Variants in SNTG1 observed in about 807,000 individuals in gnomAD.
SNTG1 encodes the protein gamma-1-syntrophin.
SNTG1 carries 39 observed loss-of-function variants against 74.7 expected under a neutral mutation model. That is an observed-to-expected ratio of 0.52 (90% CI 0.40 to 0.68). The LOEUF (loss-of-function observed/expected upper bound fraction) is 0.68. Ranked by LOEUF, SNTG1 falls within the 30% of genes least tolerant of loss-of-function variation. The pLI is 0.00. For synonymous variants in SNTG1, 254 were observed against 217.1 expected (o/e 1.17, Z -1.49); for missense variants, 685 against 609.5 (o/e 1.12, Z -1.30).
At chr8:50,223,807 A>G (rs973873710) in intron 2 of SNTG1, among the ~76,000 whole-genome samples, 3 of 152,134 alleles carry the variant, frequency 2.0e-5, no homozygotes, top group Admixed American at 2.0e-4. Flanking sequence ...CAGGAACATG[A>G]CAAAAATGTT....
intron 1 of SNTG1, among the ~76,000 whole-genome samples, chr8:50,089,272 T>C (rs1233713851): frequency 5.3e-4 from 80 of 152,074 alleles, no homozygotes; most frequent in African/African-American, 1.4e-3. Context: ...GGATTAAAGA[T>C]TTAAACGTTA....
intron 1 of SNTG1, among the ~76,000 whole-genome samples, chr8:50,004,674 A>G (rs1338392607): frequency 1.3e-5 from 2 of 152,200 alleles, no homozygotes; most frequent in African/African-American, 4.8e-5. Flanking sequence ...ACGTGAACCA[A>G]TGTGGTCCAA....
intron 1 of SNTG1, among the ~76,000 whole-genome samples, chr8:49,985,685 A>G (rs2130220373): frequency 6.6e-6 from 1 of 152,316 alleles, no homozygotes; most frequent in Non-Finnish European, 1.5e-5. Flanking sequence ...AGTTTTGATA[A>G]TCAAATTCAC....
rs1443195909 is a variant in SNTG1 at position 50,105,493 on chromosome 8, TG to T, written c.-102-67067del. Among the ~76,000 whole-genome samples, 8 of 151,754 alleles carry T rather than the reference TG, an allele frequency of 5.3e-5. No homozygotes were observed. In the South Asian group the frequency reaches 6.2e-4, roughly 12 times the overall value. On this transcript the variant is annotated intron_variant, in intron 1 of 18. Transcript: ENST00000642720. ...TCAGCTTTTTTGTTTTGTTTTGTTT[TG>T]TTTTTTTTGCTTATTATTGTTTTGG...
At chr8:50,038,340 T>C (rs1818336997) in intron 1 of SNTG1, among the ~76,000 whole-genome samples, 1 of 152,152 alleles carries the variant, frequency 6.6e-6, no homozygotes. Context: ...GTAGTTCTCT[T>C]AGTGCAATCC....
At chr8:50,761,514 G>A (rs1392049355) in intron 18 of SNTG1, among the ~76,000 whole-genome samples, 1 of 151,856 alleles carries the variant, frequency 6.6e-6, no homozygotes, top group South Asian at 2.1e-4. Context: ...AGGTGAGTTA[G>A]GCTCTGATAA....
At chr8:50,081,568 A>G (rs1221183703) in intron 1 of SNTG1, among the ~76,000 whole-genome samples, 1 of 151,724 alleles carries the variant, frequency 6.6e-6, no homozygotes, top group Non-Finnish European at 1.5e-5. Flanking sequence ...GCTATGCATC[A>G]TATATGGTGT....
chr8:50,105,138 C>G (rs2080315019), intron 1 of SNTG1, among the ~76,000 whole-genome samples: 1 of 151,864 alleles, frequency 6.6e-6, no homozygotes, highest in African/African-American at 2.4e-5. Context: ...TCCTAGGTTA[C>G]TTTCCAGGGC....
chr8:50,064,979 G>A (rs575445991), intron 1 of SNTG1, among the ~76,000 whole-genome samples: 2 of 152,254 alleles, frequency 1.3e-5, no homozygotes, highest in East Asian at 3.9e-4. Context: ...CCCTTGTAAT[G>A]TTAAGTGCTT....
intron 2 of SNTG1, among the ~76,000 whole-genome samples, chr8:50,219,193 G>C (rs186730971): frequency 1.3e-5 from 2 of 152,140 alleles, no homozygotes; most frequent in Admixed American, 6.5e-5. Flanking sequence ...GCATCTTTTA[G>C]ACTAGAATCC....
chr8:50,129,032 G>A (rs2081232896), intron 1 of SNTG1, among the ~76,000 whole-genome samples: 1 of 152,006 alleles, frequency 6.6e-6, no homozygotes, highest in African/African-American at 2.4e-5. Context: ...AACATCATTT[G>A]ATGAAGATAA....
intron 2 of SNTG1, among the ~76,000 whole-genome samples, chr8:50,249,537 C>A (rs1346787368): frequency 6.6e-6 from 1 of 152,198 alleles, no homozygotes; most frequent in Non-Finnish European, 1.5e-5. Context: ...CACACCCACC[C>A]CTGCCCCTTA....
intron 1 of SNTG1, among the ~76,000 whole-genome samples, chr8:49,943,000 T>G (rs1009000448): frequency 1.3e-5 from 2 of 152,198 alleles, no homozygotes; most frequent in African/African-American, 4.8e-5. Context: ...TCATAAGAGA[T>G]TTGCCTCCTC....
intron 1 of SNTG1, among the ~76,000 whole-genome samples, chr8:50,002,272 G>A (rs1261829147): frequency 6.6e-6 from 1 of 151,970 alleles, no homozygotes; most frequent in Non-Finnish European, 1.5e-5. Context: ...TTAGCCATCG[G>A]CATAGTCCAC....
At chr8:50,194,910 G>A (rs1187737154) in intron 2 of SNTG1, among the ~76,000 whole-genome samples, 3 of 152,028 alleles carry the variant, frequency 2.0e-5, no homozygotes, top group Non-Finnish European at 4.4e-5. Context: ...CTTCAATCTT[G>A]ATTTTGTTTT....
intron 12 of SNTG1, among the ~76,000 whole-genome samples, chr8:50,582,679 AT>A (rs918479718): frequency 6.6e-6 from 1 of 151,844 alleles, no homozygotes; most frequent in African/African-American, 2.4e-5. Context: ...AGCATAACAT[AT>A]TTTTTTTATT....
At chr8:50,071,964 A>AT (rs1256289622) in intron 1 of SNTG1, among the ~76,000 whole-genome samples, 1 of 152,194 alleles carries the variant, frequency 6.6e-6, no homozygotes, top group Non-Finnish European at 1.5e-5. Flanking sequence ...AAAGAATACT[A>AT]TTTTCTTGCT....
chr8:50,370,848 T>C (rs2131147840), intron 2 of SNTG1, among the ~76,000 whole-genome samples: 1 of 152,086 alleles, frequency 6.6e-6, no homozygotes, highest in East Asian at 2.0e-4. Context: ...GGAATATATA[T>C]GTGAATGGAT....
intron 13 of SNTG1, among the ~76,000 whole-genome samples, chr8:50,642,058 A>G (rs2095076949): frequency 6.6e-6 from 1 of 152,180 alleles, no homozygotes; most frequent in Admixed American, 6.5e-5. Context: ...TGAAATGTCT[A>G]AAACTGAGCT....
Sources: gnomAD v4.1 joint callset for allele counts (sites outside exome capture counted in the v4.1 genomes callset) on GRCh38, gnomAD v4.1.1 for gene constraint, MANE v1.5 for transcripts, NCBI Gene and HGNC (gene_info 2026-07-23, HGNC 2026-07-21) for gene names.